The following SLMAP variants were observed in gnomAD, a reference collection of about 807,000 sequenced individuals.
SLMAP encodes sarcolemma associated protein.
In SLMAP, 44 loss-of-function variants were observed where a neutral mutation model predicts 128.8. The observed-to-expected ratio is 0.34, with a 90% CI of 0.27 to 0.44. SLMAP has a LOEUF of 0.44. SLMAP is among the 20% of genes least tolerant of loss of function. SLMAP has a pLI of 1.00. For missense variants in SLMAP, 787 were observed against 985.3 expected (o/e 0.80, Z 2.69); for synonymous variants, 327 against 348.8 (o/e 0.94, Z 0.70).
chr3:57,826,346 T>C (rs528305142), intron 2 of SLMAP, among the ~76,000 whole-genome samples: 1 of 152,312 alleles, frequency 6.6e-6, no homozygotes, highest in African/African-American at 2.4e-5. Context: ...ACTATTCTGC[T>C]CCTTATTCTC....
At chr3:57,791,760 C>T (rs748639461) in intron 2 of SLMAP, among the ~76,000 whole-genome samples, 7 of 151,968 alleles carry the variant, frequency 4.6e-5, no homozygotes, top group Non-Finnish European at 8.8e-5. Flanking sequence ...GTAGAAATCT[C>T]TCATATTTGA....
chr3:57,814,384 GC>G (rs1430221948), intron 2 of SLMAP, among the ~76,000 whole-genome samples: 1 of 151,848 alleles, frequency 6.6e-6, no homozygotes, highest in Non-Finnish European at 1.5e-5. Flanking sequence ...CAAGCAATGC[GC>G]CCACCTCAAC....
intron 2 of SLMAP, among the ~76,000 whole-genome samples, chr3:57,826,045 T>C (rs190910665): frequency 6.6e-6 from 1 of 152,322 alleles, no homozygotes; most frequent in East Asian, 1.9e-4. Context: ...TCATTCTTTA[T>C]GGTTTTAAAA....
intron 5 of SLMAP, 29 bp from the exon 6 acceptor site, chr3:57,849,725 T>A: frequency 7.8e-7 from 1 of 1,279,594 alleles, no homozygotes; most frequent in South Asian, 1.2e-5. Context: ...TGAAGTGTTT[T>A]CTGTTGATAC....
At chr3:57,776,715 AG>A (rs2082027794) in intron 2 of SLMAP, among the ~76,000 whole-genome samples, 1 of 151,566 alleles carries the variant, frequency 6.6e-6, no homozygotes, top group Admixed American at 6.6e-5. Flanking sequence ...TAGTAGAGAC[AG>A]GGTTTCACCA....
intron 3 of SLMAP, among the ~76,000 whole-genome samples, chr3:57,831,981 T>C (rs1241161925): frequency 6.6e-6 from 1 of 152,246 alleles, no homozygotes; most frequent in Non-Finnish European, 1.5e-5. Context: ...CATAAGATGA[T>C]GGCTGCAAGC....
intron 2 of SLMAP, among the ~76,000 whole-genome samples, chr3:57,811,910 T>A (rs2091044996): frequency 6.6e-6 from 1 of 152,242 alleles, no homozygotes; most frequent in Admixed American, 6.5e-5. Context: ...TTGCCCATTT[T>A]TGAATTGGGT....
intron 6 of SLMAP, among the ~76,000 whole-genome samples, chr3:57,854,325 G>C (rs538748703): frequency 1.7e-3 from 1 of 586 alleles, no homozygotes; most frequent in Non-Finnish European, 0.018. Flanking sequence ...GGCCGGGCAC[G>C]GGGGCTCTTG....
intron 2 of SLMAP, among the ~76,000 whole-genome samples, chr3:57,791,733 T>G (rs2085501960): frequency 6.6e-6 from 1 of 152,204 alleles, no homozygotes; most frequent in Admixed American, 6.5e-5. Flanking sequence ...ATTTAAAAAT[T>G]ATAATTTTAA....
At chr3:57,897,302 T>C in intron 17 of SLMAP, 1 of 300,830 alleles carries the variant, frequency 3.3e-6, no homozygotes, top group Non-Finnish European at 5.8e-6. Context: ...TGTTATCATA[T>C]GGTAGCAGTT....
chr3:57,890,167 C>G, intron 15 of SLMAP, 67 bp downstream of exon 15: 1 of 1,497,540 alleles, frequency 6.7e-7, no homozygotes, highest in Non-Finnish European at 9.3e-7. Flanking sequence ...TGTATATTTT[C>G]AAGGTTATAG....
At chr3:57,770,400 GCAAT>G (rs1345290185) in intron 2 of SLMAP, among the ~76,000 whole-genome samples, 5 of 152,188 alleles carry the variant, frequency 3.3e-5, no homozygotes, top group African/African-American at 1.2e-4. Context: ...ATAAAAAAGA[GCAAT>G]GCATTCTAGC....
At chr3:57,879,675 G>T (rs1269658464) in intron 14 of SLMAP, among the ~76,000 whole-genome samples, 1 of 152,186 alleles carries the variant, frequency 6.6e-6, no homozygotes, top group Non-Finnish European at 1.5e-5. Flanking sequence ...AGGCGCAGTG[G>T]CTCATGCCTG....
chr3:57,908,476 A>C (rs539232046), intron 18 of SLMAP, among the ~76,000 whole-genome samples: 16 of 152,338 alleles, frequency 1.1e-4, no homozygotes, highest in Admixed American at 3.3e-4. Context: ...AAAGAGTCTT[A>C]AAATGAGAAA....
At chr3:57,760,527 T>C (rs1159395176) in intron 2 of SLMAP, among the ~76,000 whole-genome samples, 1 of 152,144 alleles carries the variant, frequency 6.6e-6, no homozygotes, top group South Asian at 2.1e-4. Context: ...TGCCAGACAC[T>C]GTGAGGGATA....
chr3:57,840,390 G>A (rs2093877226), intron 3 of SLMAP, among the ~76,000 whole-genome samples: 1 of 152,216 alleles, frequency 6.6e-6, no homozygotes. Flanking sequence ...ATGATGTAGT[G>A]TATTCTCATC....
chr3:57,838,561 G>T (rs1415497962), intron 3 of SLMAP, among the ~76,000 whole-genome samples: 1 of 152,178 alleles, frequency 6.6e-6, no homozygotes, highest in Non-Finnish European at 1.5e-5. Context: ...AATCTAATTG[G>T]TGAGACAACA....
intron 2 of SLMAP, among the ~76,000 whole-genome samples, chr3:57,787,930 A>G (rs994386214): frequency 1.3e-5 from 2 of 152,242 alleles, no homozygotes; most frequent in African/African-American, 4.8e-5. Flanking sequence ...CAAGAGAGGT[A>G]CTAGTCAAAT....
chr3:57,809,773 A>T (rs992099829), intron 2 of SLMAP, among the ~76,000 whole-genome samples: 3 of 152,162 alleles, frequency 2.0e-5, no homozygotes, highest in African/African-American at 7.2e-5. Context: ...AGCTGAGCAG[A>T]CGTTGAGATG....
Sources: allele counts gnomAD v4.1 joint callset (sites outside exome capture counted in the v4.1 genomes callset), GRCh38; gene constraint gnomAD v4.1.1; transcripts MANE v1.5; gene names NCBI Gene and HGNC (gene_info 2026-07-23, HGNC 2026-07-21).